Variants in SETD5 observed in about 807,000 individuals in gnomAD.
SETD5 encodes the protein SET domain containing 5, also known as histone-lysine N-methyltransferase SETD5.
A neutral mutation model predicts 153.3 loss-of-function variants in SETD5; 44 were observed. The ratio of observed to expected loss-of-function variants is 0.29; its 90% confidence interval spans 0.23 to 0.37. SETD5 has a LOEUF of 0.37. SETD5 is among the 10% of genes least tolerant of loss of function. The pLI, the probability that SETD5 is intolerant of heterozygous loss-of-function variation, is 1.00. For missense variants in SETD5, 1,544 were observed against 1,768.0 expected (o/e 0.87, Z 2.27); for synonymous variants, 716 against 645.2 (o/e 1.11, Z -1.66).
intron 1 of SETD5, among the ~76,000 whole-genome samples, chr3:9,407,892 C>G (rs184911410): frequency 1.3e-5 from 2 of 151,716 alleles, no homozygotes; most frequent in African/African-American, 4.8e-5. Context: ...CCCAGCTACT[C>G]GGGAGGCTGA....
At chr3:9,461,864 T>C (rs1246404283) in intron 17 of SETD5, among the ~76,000 whole-genome samples, 1 of 152,154 alleles carries the variant, frequency 6.6e-6, no homozygotes. Context: ...CCTTGAAATA[T>C]TAAATATATA....
intron 11 of SETD5, among the ~76,000 whole-genome samples, chr3:9,444,246 T>C (rs2041664469): frequency 2.0e-5 from 3 of 152,208 alleles, no homozygotes; most frequent in Admixed American, 1.3e-4. Context: ...TTTTTTAAAG[T>C]ATATGCTTTT....
rs1213725564 is a variant in SETD5 at position 9,453,774 on chromosome 3, T to A, written c.2382T>A (p.Thr794=). Residue 794 remains threonine, a synonymous_variant, in exon 17 of 23, where the codon ACT becomes ACA. Transcript: ENST00000402198. ...AACAAGCCTTAGAAGAAGGGATGAC[T>A]CAAACATCATCTGTACCCCAAGAGA... ...WIKQALEEGM[T]QTSSVPQETR... 4 of 1,606,346 alleles carry A rather than the reference T, an allele frequency of 2.5e-6. No homozygotes were observed. Among genetic ancestry groups the A allele is most frequent in the Non-Finnish European group, 2.5e-6 (3 of 1,178,048 alleles).
intron 17 of SETD5, among the ~76,000 whole-genome samples, chr3:9,460,982 C>A (rs979241026): frequency 1.3e-5 from 2 of 151,920 alleles, no homozygotes; most frequent in Admixed American, 6.6e-5. Flanking sequence ...TAAATAGAAA[C>A]AAAACATATA....
rs192178252 is a variant in SETD5 at position 9,400,294 on chromosome 3, C to T, written c.-177+2317C>T. The stretch of plus-strand genomic sequence containing the variant: ...TCTAGACATTTGTGCTTGGATAGGA[C>T]TAAAAGTTCCATTAGAGTTTTAATT... On this transcript the variant is annotated intron_variant, in intron 1 of 22. Coordinates refer to ENST00000402198, the MANE Select transcript of SETD5 (RefSeq NM_001080517.3). Among the ~76,000 whole-genome samples the T allele has an allele frequency of 1.9e-3, 282 of 152,216 alleles. 5 individuals carry two copies. Among genetic ancestry groups the T allele is most frequent in the African/African-American group, 6.2e-3 (257 of 41,522 alleles).
chr3:9,431,499 A>T, intron 3 of SETD5: 1 of 964,464 alleles, frequency 1.0e-6, no homozygotes, highest in South Asian at 4.8e-5. Context: ...ATATTTTAGG[A>T]AATCTTGTAG....
chr3:9,464,718 A>G (rs772310959), intron 18 of SETD5, 46 bp downstream of exon 18: 2 of 1,613,058 alleles, frequency 1.2e-6, no homozygotes, highest in South Asian at 2.2e-5. Flanking sequence ...GAAAATCATC[A>G]TTTGTACCTT....
intron 1 of SETD5, among the ~76,000 whole-genome samples, chr3:9,401,401 A>C (rs142612225): frequency 5.9e-5 from 9 of 152,286 alleles, no homozygotes; most frequent in African/African-American, 2.2e-4. Context: ...TCTTGATATT[A>C]TCATTTTTTA....
chr3:9,412,387 GTTTTT>G (rs370566998), intron 1 of SETD5, among the ~76,000 whole-genome samples: 166 of 89,538 alleles, frequency 1.9e-3, no homozygotes, highest in African/African-American at 6.2e-3. Context: ...ACAGTTTTGG[GTTTTT>G]TTTTTTTTTT....
At position 9,434,649 on chromosome 3, in the gene SETD5, A is replaced by T; in HGVS notation, c.329+164A>T. 1 of 1,469,996 alleles carries T rather than the reference A, an allele frequency of 6.8e-7. No individual in the cohort carries two copies. Among genetic ancestry groups the T allele is most frequent in the Non-Finnish European group, 9.0e-7 (1 of 1,111,242 alleles). 91.1% of individuals were successfully genotyped at this position (1,469,996 alleles called of 1,614,324 possible). A position where few individuals can be genotyped will look rare whatever the true frequency, so the allele number is the denominator to read the frequency against. ...GCACTAGGTGAGAATTGCTGACAAC[A>T]AGGAATGAGAGATTGATGTTAAAGC... is the stretch of plus-strand genomic sequence containing the variant. On this transcript the variant is annotated intron_variant, in intron 5 of 22. Transcript: ENST00000402198. This position sits in a 1 kb window ranked among gnomAD's most constrained non-coding sequence, Gnocchi z 5.6.
chr3:9,421,493 G>GT (rs1024724382), intron 1 of SETD5, among the ~76,000 whole-genome samples: 9 of 152,052 alleles, frequency 5.9e-5, no homozygotes, highest in African/African-American at 2.2e-4. Flanking sequence ...AAGGCTGTTT[G>GT]TCATGGTACA....
In SETD5 at chr3:9,477,679, ATTT is replaced by A. The variant is rs58994037; in HGVS notation, c.*1608_*1610del. On this transcript the variant is annotated 3_prime_UTR_variant, in exon 23 of 23. Coordinates refer to ENST00000402198, the MANE Select transcript of SETD5 (RefSeq NM_001080517.3). ...CAGGTGTTTGCTCAAATGAGGGGAG[ATTT>A]TTTTTTTTTTTTTTTTTTTAAATGC... 5.4e-3 allele frequency: 677 copies of A among 125,818 alleles called. 9 individuals are homozygous for A. The highest frequency in any genetic ancestry group is 0.019 in the African/African-American group (638 of 34,388). The allele number at this position is 125,818 out of a possible 1,614,324, so 7.8% of individuals were successfully genotyped here. A position where few individuals can be genotyped will look rare whatever the true frequency, so the allele number is the denominator to read the frequency against.
At chr3:9,431,373 A>G (rs2039945844) in intron 3 of SETD5, 1 of 985,126 alleles carries the variant, frequency 1.0e-6, no homozygotes, top group African/African-American at 1.7e-5. Context: ...TGATAGGAGA[A>G]GAAAGCCTGT....
In SETD5 at chr3:9,434,229, G is replaced by C. The variant is rs755109313; in HGVS notation, c.178-105G>C. 9 of 1,552,310 alleles carry C rather than the reference G, an allele frequency of 5.8e-6. No homozygotes were observed. The Admixed American group carries it at 7.4e-5, about 13-fold the overall frequency. On this transcript the variant is annotated intron_variant, in intron 4 of 22. Coordinates refer to ENST00000402198, the MANE Select transcript of SETD5 (RefSeq NM_001080517.3). The surrounding 1 kb of genome is among the most constrained non-coding windows in gnomAD (Gnocchi z 5.6). ...CATATGTACCATACTTTAGGGGAGA[G>C]AGGGGCCAGTGTTTGGACACTGTTG...
chr3:9,437,711 T>A (rs984756673), intron 7 of SETD5, among the ~76,000 whole-genome samples: 10 of 152,068 alleles, frequency 6.6e-5, no homozygotes, highest in Non-Finnish European at 1.5e-5. Flanking sequence ...AATATTAAAA[T>A]CTTTAGTAAG....
intron 18 of SETD5, among the ~76,000 whole-genome samples, chr3:9,466,177 A>G (rs1055993111): frequency 6.6e-6 from 1 of 150,668 alleles, no homozygotes; most frequent in Non-Finnish European, 1.5e-5. Context: ...AGTCCCAGCT[A>G]CTCGGGAGGC....
intron 18 of SETD5, among the ~76,000 whole-genome samples, chr3:9,469,763 T>A (rs2045078229): frequency 6.6e-6 from 1 of 152,204 alleles, no homozygotes; most frequent in South Asian, 2.1e-4. Flanking sequence ...TTTGGTACAT[T>A]TCAGCATTTC....
intron 1 of SETD5, among the ~76,000 whole-genome samples, chr3:9,399,318 T>C (rs897926980): frequency 7.2e-5 from 11 of 152,234 alleles, no homozygotes; most frequent in Non-Finnish European, 1.0e-4. Flanking sequence ...TTAATGTTTT[T>C]AGGTCACAGA....
At chr3:9,466,318 G>T (rs920996851) in intron 18 of SETD5, among the ~76,000 whole-genome samples, 2 of 147,232 alleles carry the variant, frequency 1.4e-5, no homozygotes, top group Non-Finnish European at 3.0e-5. Flanking sequence ...AAGAAAATCA[G>T]AAGGTAAGTC....
Sources: allele counts gnomAD v4.1 joint callset (sites outside exome capture counted in the v4.1 genomes callset), GRCh38; gene constraint gnomAD v4.1.1; non-coding constraint Gnocchi (gnomAD v3.1); transcripts MANE v1.5; gene names NCBI Gene and HGNC (gene_info 2026-07-23, HGNC 2026-07-21).